The following BMPR1B variants were observed in gnomAD, a reference collection of about 807,000 sequenced individuals.
BMPR1B encodes the protein bone morphogenetic protein receptor type 1B, also known as bone morphogenetic protein receptor type-1B.
BMPR1B carries 12 observed loss-of-function variants against 59.1 expected under a neutral mutation model. That is an observed-to-expected ratio of 0.20 (90% CI 0.13 to 0.33). The LOEUF (loss-of-function observed/expected upper bound fraction) is 0.33, where lower values mean the gene tolerates loss of function less well. Among genes scored for constraint, BMPR1B ranks in the 10% least tolerant of loss-of-function variants. The pLI is 1.00. For synonymous variants in BMPR1B, 237 were observed against 207.3 expected (o/e 1.14, Z -1.23); for missense variants, 550 against 610.9 (o/e 0.90, Z 1.05).
chr4:95,034,191 G>A (rs1725069006), intron 3 of BMPR1B, among the ~76,000 whole-genome samples: 1 of 152,090 alleles, frequency 6.6e-6, no homozygotes. Context: ...TTGTCACCAA[G>A]CTTAGCATAT....
At chr4:94,914,929 T>G (rs1476391940) in intron 2 of BMPR1B, among the ~76,000 whole-genome samples, 2 of 152,172 alleles carry the variant, frequency 1.3e-5, no homozygotes. Flanking sequence ...TAAGTAGTAA[T>G]ACCTTATATG....
intron 2 of BMPR1B, among the ~76,000 whole-genome samples, chr4:94,984,075 A>G (rs149938182): frequency 1.3e-5 from 2 of 152,348 alleles, no homozygotes; most frequent in Non-Finnish European, 2.9e-5. Context: ...AAAAAACGAT[A>G]TACTAAGCCA....
intron 11 of BMPR1B, among the ~76,000 whole-genome samples, chr4:95,149,472 T>G (rs1468824902): frequency 6.6e-6 from 1 of 152,188 alleles, no homozygotes; most frequent in Non-Finnish European, 1.5e-5. Flanking sequence ...TTTTATATTG[T>G]TTTTTCTACA....
rs549599226 is a variant in BMPR1B at position 95,139,537 on chromosome 4, C to T, written c.1076+8025C>T. 3.3e-5 allele frequency among the ~76,000 whole-genome samples: 5 copies of T among 152,332 alleles called. No individual in the cohort carries two copies. The South Asian group carries it at 6.2e-4, about 19-fold the overall frequency. On this transcript the variant is annotated intron_variant, in intron 10 of 12. Transcript: ENST00000515059. ...GGTGGAGTCTACAGAGGCAGGCAGGCGTCCTTGAGCTGCAGTGGGCTCCAC... is the reference window on the plus strand; with the variant it reads ...GGTGGAGTCTACAGAGGCAGGCAGGTGTCCTTGAGCTGCAGTGGGCTCCAC...
At chr4:94,846,337 G>A (rs144541371) in intron 1 of BMPR1B, among the ~76,000 whole-genome samples, 5 of 152,242 alleles carry the variant, frequency 3.3e-5, no homozygotes, top group African/African-American at 1.2e-4. Context: ...CAACTTGATT[G>A]GATTGAAGGA....
chr4:94,963,360 T>TA (rs1730442171), intron 2 of BMPR1B, among the ~76,000 whole-genome samples: 1 of 152,152 alleles, frequency 6.6e-6, no homozygotes, highest in African/African-American at 2.4e-5. Context: ...TGATCCCACT[T>TA]ACCTATTTAG....
Position 94,860,812 on chromosome 4 carries a change from T to A in BMPR1B, c.-182-15019T>A, listed in dbSNP as rs149982716. 8.2e-3 allele frequency among the ~76,000 whole-genome samples: 1,093 copies of A among 133,150 alleles called. 10 individuals are homozygous for A. Among genetic ancestry groups the A allele is most frequent in the Non-Finnish European group, 8.0e-3 (529 of 65,966 alleles). 87.4% of individuals were successfully genotyped at this position (133,150 alleles called of 152,430 possible). On this transcript the variant is annotated intron_variant, in intron 1 of 12. Coordinates refer to ENST00000515059, the MANE Select transcript of BMPR1B (RefSeq NM_001203.3). ...ACAAGAGGTTCTTGGACAAAACCTT[T>A]TATATGTCTTTTATATGTTGGCTTT...
chr4:94,917,926 G>A (rs1728547426), intron 2 of BMPR1B, among the ~76,000 whole-genome samples: 1 of 152,122 alleles, frequency 6.6e-6, no homozygotes, highest in African/African-American at 2.4e-5. Context: ...CTTCCTGATA[G>A]TGAGTTCTTG....
intron 3 of BMPR1B, among the ~76,000 whole-genome samples, chr4:95,063,376 C>T (rs62316252): frequency 0.015 from 2,262 of 152,184 alleles, 31 homozygotes; most frequent in Non-Finnish European, 0.022. Flanking sequence ...TATGGTTTTA[C>T]AGTTTTTTTA....
At chr4:94,815,324 T>A (rs1018125872) in intron 1 of BMPR1B, among the ~76,000 whole-genome samples, 3 of 152,226 alleles carry the variant, frequency 2.0e-5, no homozygotes, top group African/African-American at 7.2e-5. Flanking sequence ...AATTTTTTGG[T>A]CATATCCTTG....
chr4:94,862,168 T>A (rs1444578942), intron 1 of BMPR1B, among the ~76,000 whole-genome samples: 1 of 151,924 alleles, frequency 6.6e-6, no homozygotes, highest in African/African-American at 2.4e-5. Flanking sequence ...GTTGTTTTTT[T>A]GAGATGGAGT....
intron 1 of BMPR1B, among the ~76,000 whole-genome samples, chr4:94,835,537 G>C (rs1029083560): frequency 6.6e-6 from 1 of 152,128 alleles, no homozygotes; most frequent in Non-Finnish European, 1.5e-5. Context: ...AATTATATCA[G>C]TTGGCAAAAC....
intron 10 of BMPR1B, among the ~76,000 whole-genome samples, chr4:95,144,530 A>C (rs1294722060): frequency 2.0e-5 from 3 of 151,978 alleles, no homozygotes; most frequent in Admixed American, 1.3e-4. Context: ...AAAACTAAGA[A>C]AGCTTTTTTC....
chr4:94,838,551 G>T (rs1724915880), intron 1 of BMPR1B, among the ~76,000 whole-genome samples: 1 of 135,828 alleles, frequency 7.4e-6, no homozygotes, highest in Admixed American at 7.2e-5. Flanking sequence ...TTGCGTAGAG[G>T]TGTTTGTAGT....
intron 2 of BMPR1B, among the ~76,000 whole-genome samples, chr4:94,893,993 A>T (rs1727493496): frequency 6.6e-6 from 1 of 152,026 alleles, no homozygotes; most frequent in African/African-American, 2.4e-5. Context: ...TGAATTTGGA[A>T]ATTGTAATGT....
In BMPR1B at chr4:94,827,713, A is replaced by G. The variant is rs2110665138; in HGVS notation, c.-182-48118A>G. On this transcript the variant is annotated intron_variant, in intron 1 of 12. Transcript: ENST00000515059. ...TTCCCATGTAGCAGTATTTGAAAGT[A>G]TCTGTCTATCCTATGATGTGAAAGA... is the stretch of plus-strand genomic sequence containing the variant. Among the ~76,000 whole-genome samples, 3 of 152,320 alleles carry G rather than the reference A, an allele frequency of 2.0e-5. No individual in the cohort carries two copies. The South Asian group carries it at 6.2e-4, about 32-fold the overall frequency.
At chr4:95,116,195 TG>T (rs1732020523) in intron 6 of BMPR1B, among the ~76,000 whole-genome samples, 4 of 152,310 alleles carry the variant, frequency 2.6e-5, no homozygotes, top group African/African-American at 9.6e-5. Context: ...ATTTGCTATA[TG>T]GCATTTCCTT....
intron 1 of BMPR1B, among the ~76,000 whole-genome samples, chr4:94,790,113 T>C (rs1366949115): frequency 6.6e-6 from 1 of 152,180 alleles, no homozygotes; most frequent in African/African-American, 2.4e-5. Flanking sequence ...TATGTGTCAG[T>C]TGACTGTATT....
intron 2 of BMPR1B, among the ~76,000 whole-genome samples, chr4:94,973,212 T>A (rs1226695432): frequency 6.6e-6 from 1 of 152,070 alleles, no homozygotes; most frequent in Non-Finnish European, 1.5e-5. Flanking sequence ...TCTTAACAGC[T>A]CAGTGGGCCT....
Sources: allele counts gnomAD v4.1 joint callset (sites outside exome capture counted in the v4.1 genomes callset), GRCh38; gene constraint gnomAD v4.1.1; transcripts MANE v1.5; gene names NCBI Gene and HGNC (gene_info 2026-07-23, HGNC 2026-07-21).